SAMHD1: variants seen among roughly 807,000 people sequenced by gnomAD.
The protein encoded by SAMHD1 is deoxynucleoside triphosphate triphosphohydrolase SAMHD1.
Under a neutral mutation model 79.6 loss-of-function variants are expected in SAMHD1, and 54 were observed. That is an observed-to-expected ratio of 0.68 (90% confidence interval 0.55 to 0.85). SAMHD1 has a LOEUF of 0.85. SAMHD1 is among the 40% of genes least tolerant of loss of function. SAMHD1 has a pLI of 0.00. For missense variants in SAMHD1, 663 were observed against 782.7 expected (o/e 0.85, Z 1.82); for synonymous variants, 260 against 264.1 (o/e 0.98, Z 0.15).
rs1420168078 is a variant in SAMHD1, at chr20:36,941,086, G to T, written c.301C>A (p.Leu101Ile). 1 of 1,613,086 alleles carries T rather than the reference G, an allele frequency of 6.2e-7. No homozygotes were observed. Among genetic ancestry groups the T allele is most frequent in the African/African-American group, 1.3e-5 (1 of 74,868 alleles). The change falls in exon 3 of 16, where the codon CTT (leucine) becomes ATT (isoleucine). Residue 101 changes from leucine (L) to isoleucine (I), a missense_variant. Leu to Ile is a conservative substitution (Grantham distance 5). Coordinates refer to ENST00000646673, the MANE Select transcript of SAMHD1 (RefSeq NM_015474.4). Reference sequence around the variant, plus strand: ...TGAACCAATCGCTGGATATAACTAAGCAGCTTCTTCCTCTCCCCCAAGGAA... The same window carrying T: ...TGAACCAATCGCTGGATATAACTAATCAGCTTCTTCCTCTCCCCCAAGGAA... ...VSSLGERKKL[L>I]SYIQRLVQIH...
chr20:36,916,281 G>T (rs956035116), intron 9 of SAMHD1, among the ~76,000 whole-genome samples: 1 of 151,918 alleles, frequency 6.6e-6, no homozygotes, highest in Non-Finnish European at 1.5e-5. Context: ...TGGAATAATA[G>T]TATCTATCTC....
intron 9 of SAMHD1, among the ~76,000 whole-genome samples, chr20:36,915,356 T>C (rs1019699266): frequency 6.6e-6 from 1 of 152,050 alleles, no homozygotes; most frequent in Admixed American, 6.6e-5. Context: ...ACAAAAAACA[T>C]ACAAAATGTG....
chr20:36,903,635 T>C (rs1343701499), intron 13 of SAMHD1, among the ~76,000 whole-genome samples: 3 of 146,292 alleles, frequency 2.1e-5, no homozygotes, highest in African/African-American at 2.5e-5. Context: ...CTGCAACCTC[T>C]GCCTCCTGGG....
rs149098281 is a variant in SAMHD1, at chr20:36,951,626, G to A, written c.18C>T (p.Ser6=). Residue 6 remains serine (S), a synonymous_variant, in exon 1 of 16, where the codon TCC becomes TCT. Transcript: ENST00000646673. MQRAD[S]EQPSKRPRCD... ...AACGGGGACGCTTGGAGGGCTGCTC[G>A]GAATCGGCTCGCTGCATGGCTACAC... The A allele has an allele frequency of 5.5e-5, 89 of 1,613,852 alleles. 1 individual carries two copies. In the African/African-American group the frequency reaches 9.1e-4, roughly 16 times the overall value.
intron 6 of SAMHD1, among the ~76,000 whole-genome samples, chr20:36,924,319 GGAAA>G (rs1357894499): frequency 1.4e-5 from 2 of 148,128 alleles, no homozygotes; most frequent in African/African-American, 5.0e-5. Flanking sequence ...GGGAAGGAAG[GGAAA>G]GAAAGGAAGG....
chr20:36,931,162 A>C, intron 4 of SAMHD1: 1 of 415,572 alleles, frequency 2.4e-6, no homozygotes, highest in Non-Finnish European at 4.5e-6. Context: ...AAACCAGAAA[A>C]TAACAAGTGT....
intron 9 of SAMHD1, among the ~76,000 whole-genome samples, chr20:36,915,922 G>A (rs1235189828): frequency 6.6e-6 from 1 of 152,086 alleles, no homozygotes; most frequent in Non-Finnish European, 1.5e-5. Flanking sequence ...CACTTTGGGA[G>A]GCCGAGGCGG....
In SAMHD1 at chr20:36,890,420, T is replaced by TTCCTTCC; in HGVS notation, c.*2511_*2512insGGAAGGA. ...TCTCTTTCTTTCTTTCTTTCTTTCTTTTCTTTCTCTCTTTCCTTCCTTCCT... is the reference window on the plus strand; with the variant it reads ...TCTCTTTCTTTCTTTCTTTCTTTCTTTCCTTCCTTCTTTCTCTCTTTCCTTCCTTCCT... On this transcript the variant is annotated 3_prime_UTR_variant, in exon 16 of 16. Transcript: ENST00000646673. 6.3e-5 allele frequency: 1 copy of TTCCTTCC among 15,866 alleles called. No homozygotes were observed. The highest frequency in any genetic ancestry group is 1.1e-4 in the African/African-American group (1 of 8,704). 1.0% of individuals were successfully genotyped at this position (15,866 alleles called of 1,614,324 possible). A position where few individuals can be genotyped will look rare whatever the true frequency, so the allele number is the denominator to read the frequency against.
intron 15 of SAMHD1, among the ~76,000 whole-genome samples, chr20:36,897,313 T>G (rs113833548): frequency 6.6e-6 from 1 of 152,230 alleles, no homozygotes; most frequent in Admixed American, 6.5e-5. Context: ...ACCTACCATG[T>G]GTAGGTCAGT....
intron 7 of SAMHD1, among the ~76,000 whole-genome samples, chr20:36,917,582 C>T (rs767168010): frequency 8.6e-5 from 13 of 152,046 alleles, no homozygotes; most frequent in East Asian, 1.9e-4. Flanking sequence ...ACTCAGGAGG[C>T]GGAGGTTGCA....
intron 15 of SAMHD1, among the ~76,000 whole-genome samples, chr20:36,895,109 G>A (rs1000430750): frequency 6.6e-6 from 1 of 151,844 alleles, no homozygotes; most frequent in Non-Finnish European, 1.5e-5. Context: ...AAACAAATAC[G>A]TCACTTTCCT....
intron 3 of SAMHD1, among the ~76,000 whole-genome samples, chr20:36,937,864 T>G (rs1488300249): frequency 3.3e-5 from 5 of 151,394 alleles, no homozygotes; most frequent in Admixed American, 1.3e-4. Flanking sequence ...TGGTTTGTTT[T>G]TTTTTTTTTT....
chr20:36,921,392 CAAAAAAAAA>C lies in SAMHD1; in HGVS notation c.697-1882_697-1874del, dbSNP rs34384942. On this transcript the variant is annotated intron_variant, in intron 6 of 15. Transcript: ENST00000646673. ...TGGGCGACACAGCGAGACTCTGTCT[CAAAAAAAAA>C]AAAAAAAAAAACGAATTGAATCAAG... 5.2e-3 allele frequency among the ~76,000 whole-genome samples: 285 copies of C among 55,098 alleles called. 1 individual carries two copies. The highest frequency in any genetic ancestry group is 6.9e-3 in the Non-Finnish European group (219 of 31,660). The allele number at this position is 55,098 out of a possible 152,430, so 36.1% of individuals were successfully genotyped here.
At chr20:36,933,632 CA>C (rs2063581298) in intron 4 of SAMHD1, among the ~76,000 whole-genome samples, 1 of 151,824 alleles carries the variant, frequency 6.6e-6, no homozygotes, top group African/African-American at 2.4e-5. Context: ...CAAGTAGCTG[CA>C]GCGTGCGCCA....
rs2063440748 is a variant in SAMHD1, at chr20:36,911,567, C to G, written c.1155-234G>C. ...GCATTCACCATCTTATTTATTCCTC[C>G]CAACAATAAGGTAGGTGTATTCAGC... On this transcript the variant is annotated intron_variant, in intron 10 of 15. Coordinates refer to ENST00000646673, the MANE Select transcript of SAMHD1 (RefSeq NM_015474.4). 1.2e-5 allele frequency: 6 copies of G among 480,082 alleles called. No individual in the cohort carries two copies. The Admixed American group carries it at 2.0e-4, about 16-fold the overall frequency. 29.7% of individuals were successfully genotyped at this position (480,082 alleles called of 1,614,324 possible).
In SAMHD1 at chr20:36,890,418, C is replaced by CTTTCTTTCTTTCTTTCTTTCT. The variant is rs1555830170; in HGVS notation, c.*2513_*2514insAGAAAGAAAGAAAGAAAGAAA. The CTTTCTTTCTTTCTTTCTTTCT allele has an allele frequency of 2.8e-4, 5 of 17,802 alleles. No individual in the cohort carries two copies. The highest frequency in any genetic ancestry group is 2.7e-3 in the South Asian group (1 of 366). 1.1% of individuals were successfully genotyped at this position (17,802 alleles called of 1,614,324 possible). Reference sequence around the variant, plus strand: ...TTTCTCTTTCTTTCTTTCTTTCTTTCTTTTCTTTCTCTCTTTCCTTCCTTC... The same window carrying CTTTCTTTCTTTCTTTCTTTCT: ...TTTCTCTTTCTTTCTTTCTTTCTTTCTTTCTTTCTTTCTTTCTTTCTTTTTCTTTCTCTCTTTCCTTCCTTC... On this transcript the variant is annotated 3_prime_UTR_variant, in exon 16 of 16. Transcript: ENST00000646673.
At chr20:36,916,023 T>C (rs951889016) in intron 9 of SAMHD1, among the ~76,000 whole-genome samples, 1 of 151,974 alleles carries the variant, frequency 6.6e-6, no homozygotes, top group Non-Finnish European at 1.5e-5. Flanking sequence ...TAGCCGGGCA[T>C]AGTGGCGAGT....
rs1229338943 is a variant in SAMHD1 at position 36,947,477 on chromosome 20, G to C, written c.209-673C>G. ...CACTCAATACTCTGATTTGGAAGAG[G>C]TGTGTGTGTGTGTGAGTGTGTGTGT... On this transcript the variant is annotated intron_variant, in intron 1 of 15. Transcript: ENST00000646673. 4.1e-5 allele frequency among the ~76,000 whole-genome samples: 5 copies of C among 121,106 alleles called. No individual in the cohort carries two copies. In the East Asian group the frequency reaches 9.3e-4, roughly 22 times the overall value. 79.5% of individuals were successfully genotyped at this position (121,106 alleles called of 152,430 possible).
intron 6 of SAMHD1, among the ~76,000 whole-genome samples, chr20:36,921,317 C>T (rs1033691745): frequency 4.0e-5 from 5 of 125,212 alleles, no homozygotes; most frequent in Non-Finnish European, 6.3e-5. Flanking sequence ...CGCTTGAACT[C>T]GGGAGGCGGA....
Sources: gnomAD v4.1 joint callset for allele counts (sites outside exome capture counted in the v4.1 genomes callset) on GRCh38, gnomAD v4.1.1 for gene constraint, MANE v1.5 for transcripts, NCBI Gene and HGNC (gene_info 2026-07-23, HGNC 2026-07-21) for gene names.